The following PDE2A variants were observed in gnomAD, a reference collection of about 807,000 sequenced individuals.
PDE2A encodes phosphodiesterase 2A, also known as cGMP-dependent 3',5'-cyclic phosphodiesterase.
Under a neutral mutation model 133.6 loss-of-function variants are expected in PDE2A, and 53 were observed. The ratio of observed to expected loss-of-function variants is 0.40; its 90% CI spans 0.32 to 0.50. PDE2A has a LOEUF of 0.50. Ranked by LOEUF, PDE2A falls within the 20% of genes least tolerant of loss-of-function variation. The pLI is 0.73. For missense variants in PDE2A, 796 were observed against 1,232.4 expected (o/e 0.65, Z 5.30); for synonymous variants, 491 against 490.2 (o/e 1.00, Z -0.02).
intron 1 of PDE2A, among the ~76,000 whole-genome samples, chr11:72,669,992 G>C (rs1439798579): frequency 1.3e-5 from 2 of 152,180 alleles, no homozygotes; most frequent in Non-Finnish European, 2.9e-5. Flanking sequence ...GCTTCCTACA[G>C]TCTAGGCTCA....
At chr11:72,659,999 AC>A (rs1392604392) in intron 1 of PDE2A, among the ~76,000 whole-genome samples, 1 of 151,930 alleles carries the variant, frequency 6.6e-6, no homozygotes, top group African/African-American at 2.4e-5. Flanking sequence ...TGTTGGAGGC[AC>A]CCCCACTCCA....
chr11:72,663,220 C>T (rs1027717878), intron 1 of PDE2A, among the ~76,000 whole-genome samples: 1 of 152,194 alleles, frequency 6.6e-6, no homozygotes, highest in Admixed American at 6.5e-5. Flanking sequence ...CAAGCACAGG[C>T]AGGGCACACC....
chr11:72,653,674 C>T (rs113474758), intron 1 of PDE2A, among the ~76,000 whole-genome samples: 1 of 152,306 alleles, frequency 6.6e-6, no homozygotes, highest in African/African-American at 2.4e-5. Context: ...TGGGGCAAAA[C>T]GGCAGCAATA....
At position 72,578,605 on chromosome 11, in the gene PDE2A, G is replaced by T. The variant is rs2135266715; in HGVS notation, c.2470-91C>A. On this transcript the variant is annotated intron_variant, in intron 28 of 30. Transcript: ENST00000334456. This position sits in a 1 kb window ranked among gnomAD's most constrained non-coding sequence, Gnocchi z 4.2. The stretch of plus-strand genomic sequence containing the variant: ...CCCGTTCCCAGGAGAGAAAACTGAG[G>T]CCCAGGGATTCAGTCCCAGCTCAGG... 1 of 1,136,650 alleles carries T rather than the reference G, an allele frequency of 8.8e-7. No individual in the cohort carries two copies. The highest frequency in any genetic ancestry group is 1.3e-6 in the Non-Finnish European group (1 of 751,546). 70.4% of individuals were successfully genotyped at this position (1,136,650 alleles called of 1,614,324 possible).
chr11:72,671,055 C>G (rs905007038), intron 1 of PDE2A, among the ~76,000 whole-genome samples: 2 of 152,198 alleles, frequency 1.3e-5, no homozygotes, highest in African/African-American at 4.8e-5. Flanking sequence ...ACAAACTGTT[C>G]CCTCTGCTCT....
At chr11:72,655,214 C>G (rs1414551613) in intron 1 of PDE2A, among the ~76,000 whole-genome samples, 1 of 152,208 alleles carries the variant, frequency 6.6e-6, no homozygotes, top group Non-Finnish European at 1.5e-5. Flanking sequence ...CGCCACACTC[C>G]CCTGGGCCCC....
At chr11:72,598,640 G>A (rs751096767) in intron 4 of PDE2A, 2 of 1,289,100 alleles carry the variant, frequency 1.6e-6, no homozygotes, top group South Asian at 2.5e-5. Flanking sequence ...GGAACTGTGT[G>A]CATACAGGGT....
chr11:72,636,031 A>C (rs1310568129), intron 2 of PDE2A: 1 of 1,272,420 alleles, frequency 7.9e-7, no homozygotes, highest in Non-Finnish European at 1.0e-6. Flanking sequence ...GGCAGCCCCC[A>C]GTAGAGGCAA....
At position 72,585,385 on chromosome 11, in the gene PDE2A, G is replaced by T; in HGVS notation, c.1272C>A (p.Leu424=). 6.2e-7 allele frequency: 1 copy of T among 1,614,086 alleles called. No individual in the cohort carries two copies. The highest frequency in any genetic ancestry group is 8.5e-7 in the Non-Finnish European group (1 of 1,179,946). Reference sequence around the variant, plus strand: ...GAGTCACTCACATCTCTGCGTTGCTGAGGTTTCTGGCCTCCGTGATGATCT... The same window carrying T: ...GAGTCACTCACATCTCTGCGTTGCTTAGGTTTCTGGCCTCCGTGATGATCT... ...LQEIITEARN[L]SNAEICSVFL... The change falls in exon 16 of 31, where the codon CTC becomes CTA. Residue 424 remains leucine, a synonymous_variant. Transcript: ENST00000334456.
In PDE2A at chr11:72,597,380, TA is replaced by T; in HGVS notation, c.433+129del. The T allele has an allele frequency of 1.6e-6, 1 of 610,308 alleles. No homozygotes were observed. The highest frequency in any genetic ancestry group is 2.8e-5 in the Admixed American group (1 of 35,260). The allele number at this position is 610,308 out of a possible 1,614,324, so 37.8% of individuals were successfully genotyped here. On this transcript the variant is annotated intron_variant, in intron 5 of 30. Coordinates refer to ENST00000334456, the MANE Select transcript of PDE2A (RefSeq NM_002599.5). The surrounding 1 kb of genome is among the most constrained non-coding windows in gnomAD (Gnocchi z 4.6). Reference sequence around the variant, plus strand: ...AGAGAGAATTAGATGGAGGGACTGCTAGAGACACAGAGCAAGAGAAAGAAGG... The same window carrying T: ...AGAGAGAATTAGATGGAGGGACTGCTGAGACACAGAGCAAGAGAAAGAAGG...
At chr11:72,658,032 A>G in intron 1 of PDE2A, 1 of 456,274 alleles carries the variant, frequency 2.2e-6, no homozygotes, top group Non-Finnish European at 4.4e-6. Context: ...GGCATGTACC[A>G]GGCATCTTTA....
intron 2 of PDE2A, among the ~76,000 whole-genome samples, chr11:72,636,841 T>A (rs1858720214): frequency 6.6e-6 from 1 of 152,172 alleles, no homozygotes; most frequent in Non-Finnish European, 1.5e-5. Flanking sequence ...CTATTGAACA[T>A]GCAGATCTGA....
chr11:72,657,705 T>C (rs541477848), intron 1 of PDE2A: 1 of 439,222 alleles, frequency 2.3e-6, no homozygotes, highest in South Asian at 1.6e-5. Flanking sequence ...GAGCAGCCAC[T>C]GGACATAGGC....
At chr11:72,651,181 G>A (rs534323262) in intron 1 of PDE2A, among the ~76,000 whole-genome samples, 1 of 152,154 alleles carries the variant, frequency 6.6e-6, no homozygotes, top group Non-Finnish European at 1.5e-5. Context: ...GCGAGAACCT[G>A]GGGTCTTGAG....
intron 3 of PDE2A, among the ~76,000 whole-genome samples, chr11:72,606,306 C>G (rs558026521): frequency 6.6e-6 from 1 of 152,248 alleles, no homozygotes; most frequent in East Asian, 1.9e-4. Flanking sequence ...CTGAGGGTAT[C>G]CTGGAGGGCT....
At chr11:72,656,945 G>A (rs1854915739) in intron 1 of PDE2A, among the ~76,000 whole-genome samples, 1 of 152,078 alleles carries the variant, frequency 6.6e-6, no homozygotes, top group Non-Finnish European at 1.5e-5. Context: ...ACTCCTCACT[G>A]CATCCACTCT....
At chr11:72,626,339 T>C (rs916883210) in intron 2 of PDE2A, among the ~76,000 whole-genome samples, 1 of 152,196 alleles carries the variant, frequency 6.6e-6, no homozygotes, top group African/African-American at 2.4e-5. Context: ...GCCCCGGGCC[T>C]GTGCAGCCCA....
intron 2 of PDE2A, among the ~76,000 whole-genome samples, chr11:72,640,531 T>A (rs542601056): frequency 2.0e-5 from 3 of 151,978 alleles, no homozygotes; most frequent in Non-Finnish European, 4.4e-5. Context: ...CACAGACACA[T>A]GACATTCAAA....
At chr11:72,631,226 C>G in intron 2 of PDE2A, 1 of 1,051,292 alleles carries the variant, frequency 9.5e-7, no homozygotes, top group Non-Finnish European at 1.4e-6. Flanking sequence ...CCCCAGCAAG[C>G]CCACGGATGG....
Sources: gnomAD v4.1 joint callset for allele counts (sites outside exome capture counted in the v4.1 genomes callset) on GRCh38, gnomAD v4.1.1 for gene constraint, Gnocchi (gnomAD v3.1) non-coding constraint, MANE v1.5 for transcripts, NCBI Gene and HGNC (gene_info 2026-07-23, HGNC 2026-07-21) for gene names.